The following AFF2 variants were observed in gnomAD, a reference collection of about 807,000 sequenced individuals.
The protein encoded by AFF2 is ALF transcription elongation factor 2, also known as AF4/FMR2 family member 2.
AFF2 carries 14 observed loss-of-function variants against 76.9 expected under a neutral mutation model. The ratio of observed to expected loss-of-function variants is 0.18; its 90% CI spans 0.12 to 0.28. The LOEUF (loss-of-function observed/expected upper bound fraction) is 0.28. AFF2 is among the 10% of genes least tolerant of loss of function. AFF2 has a pLI of 1.00. For synonymous variants in AFF2, 398 were observed against 366.7 expected (o/e 1.09, Z -0.98); for missense variants, 868 against 1,001.1 (o/e 0.87, Z 1.79).
intron 1 of AFF2, among the ~76,000 whole-genome samples, chrX:148,516,890 A>G (rs781960319): frequency 9.9e-5 from 11 of 111,552 alleles, no homozygotes; most frequent in Middle Eastern, 4.6e-3. Context: ...TGTAAGGGGG[A>G]GATTGGGTCC....
intron 3 of AFF2, among the ~76,000 whole-genome samples, chrX:148,721,113 C>A (rs922033390): frequency 1.6e-4 from 18 of 111,968 alleles, no homozygotes; most frequent in African/African-American, 5.5e-4. Flanking sequence ...TGTAAAGAAT[C>A]CACTTGGTGG....
intron 8 of AFF2, among the ~76,000 whole-genome samples, chrX:148,891,368 G>T (rs1311492764): frequency 8.9e-6 from 1 of 111,944 alleles, no homozygotes; most frequent in Non-Finnish European, 1.9e-5. Flanking sequence ...CAGCTGAGAA[G>T]CAGTTATTGA....
intron 3 of AFF2, among the ~76,000 whole-genome samples, chrX:148,706,972 A>G (rs1024834011): frequency 8.9e-6 from 1 of 112,124 alleles, no homozygotes; most frequent in Non-Finnish European, 1.9e-5. Flanking sequence ...CTTGTCTTTC[A>G]CTATGTAGAC....
At chrX:148,537,607 T>C (rs1485944168) in intron 1 of AFF2, among the ~76,000 whole-genome samples, 1 of 110,551 alleles carries the variant, frequency 9.0e-6, no homozygotes, top group Non-Finnish European at 1.9e-5. Flanking sequence ...CCTGCCGTTA[T>C]GCTCTAGGGC....
intron 3 of AFF2, among the ~76,000 whole-genome samples, chrX:148,710,972 A>C (rs1557262859): frequency 8.9e-6 from 1 of 111,839 alleles, no homozygotes; most frequent in Non-Finnish European, 1.9e-5. Context: ...ATATTGTTTA[A>C]TTATTTAGAA....
At chrX:148,675,586 TC>T (rs2054474022) in intron 3 of AFF2, among the ~76,000 whole-genome samples, 1 of 109,276 alleles carries the variant, frequency 9.2e-6, no homozygotes, top group African/African-American at 3.3e-5. Flanking sequence ...GCTTTGGCCT[TC>T]CTCTGCTTGT....
intron 9 of AFF2, among the ~76,000 whole-genome samples, chrX:148,931,498 A>G (rs2071713574): frequency 8.9e-6 from 1 of 111,918 alleles, no homozygotes; most frequent in African/African-American, 3.3e-5. Flanking sequence ...GTCACTATAT[A>G]AACACAAATC....
chrX:148,704,478 GTGTA>G (rs1557262236), intron 3 of AFF2, among the ~76,000 whole-genome samples: 33 of 81,705 alleles, frequency 4.0e-4, no homozygotes, highest in South Asian at 5.6e-4. Flanking sequence ...TTATATATAT[GTGTA>G]TATATATATT....
intron 3 of AFF2, among the ~76,000 whole-genome samples, chrX:148,777,765 G>A (rs1356698505): frequency 8.9e-6 from 1 of 112,100 alleles, no homozygotes; most frequent in Admixed American, 9.4e-5. Context: ...AGATGATAGG[G>A]TTTTCTAAAT....
At chrX:148,574,054 A>G (rs139468091) in intron 1 of AFF2, among the ~76,000 whole-genome samples, 10 of 111,349 alleles carry the variant, frequency 9.0e-5, no homozygotes, top group African/African-American at 3.3e-4. Context: ...GTTGAGATTT[A>G]ACCCAATCTA....
At chrX:148,585,840 C>CAAAAAA (rs1194523651) in intron 1 of AFF2, among the ~76,000 whole-genome samples, 2 of 25,539 alleles carry the variant, frequency 7.8e-5, no homozygotes, top group Non-Finnish European at 1.4e-4. Flanking sequence ...GACTGCGTCT[C>CAAAAAA]AAAAAAAAAA....
At chrX:148,857,465 A>T (rs1438998122) in intron 7 of AFF2, among the ~76,000 whole-genome samples, 1 of 111,938 alleles carries the variant, frequency 8.9e-6, no homozygotes, top group East Asian at 2.8e-4. Context: ...TGTCTTTAGC[A>T]ATTTGATTCT....
At chrX:148,779,828 T>TCCAA (rs1557268922) in intron 3 of AFF2, among the ~76,000 whole-genome samples, 1 of 112,317 alleles carries the variant, frequency 8.9e-6, no homozygotes, top group East Asian at 2.8e-4. Context: ...GTTGGTGCAG[T>TCCAA]TTCTTCATAG....
At chrX:148,729,684 C>T (rs1237142137) in intron 3 of AFF2, among the ~76,000 whole-genome samples, 2 of 111,325 alleles carry the variant, frequency 1.8e-5, no homozygotes, top group African/African-American at 6.5e-5. Flanking sequence ...AGGGAAGGGA[C>T]GACAAGGGTT....
chrX:148,616,255 G>A (rs1557250317), intron 1 of AFF2, among the ~76,000 whole-genome samples: 1 of 111,642 alleles, frequency 9.0e-6, no homozygotes, highest in Non-Finnish European at 1.9e-5. Context: ...CCATTTACTA[G>A]CCGTATGATC....
In AFF2 at chrX:148,671,234, C is replaced by A. The variant is rs782104603; in HGVS notation, c.1041+8466C>A. On this transcript the variant is annotated intron_variant, in intron 3 of 20. Transcript: ENST00000370460. Reference sequence around the variant, plus strand: ...TTGATTTATTCTTACTCTGTTTTAACAAAATTTAATTCTTATGTTATACAC... The same window carrying A: ...TTGATTTATTCTTACTCTGTTTTAAAAAAATTTAATTCTTATGTTATACAC... 1.2e-3 allele frequency among the ~76,000 whole-genome samples: 137 copies of A among 111,847 alleles called. 1 individual carries two copies. Among genetic ancestry groups the A allele is most frequent in the Non-Finnish European group, 2.0e-3 (108 of 53,158 alleles).
chrX:148,547,577 T>G (rs1557238334), intron 1 of AFF2, among the ~76,000 whole-genome samples: 1 of 112,106 alleles, frequency 8.9e-6, no homozygotes, highest in African/African-American at 3.2e-5. Context: ...CGTATATACC[T>G]TCTCTCATTT....
At chrX:148,841,019 T>C (rs1256274365) in intron 5 of AFF2, among the ~76,000 whole-genome samples, 1 of 112,595 alleles carries the variant, frequency 8.9e-6, no homozygotes, top group Non-Finnish European at 1.9e-5. Context: ...TAACACAATC[T>C]TCCAGTTTGC....
chrX:148,966,901 A>G lies in AFF2; in HGVS notation c.3025A>G (p.Thr1009Ala), dbSNP rs781892489. 8.3e-7 allele frequency: 1 copy of G among 1,211,007 alleles called. No individual in the cohort carries two copies. Among genetic ancestry groups the G allele is most frequent in the South Asian group, 1.8e-5 (1 of 56,905 alleles). Residue 1009 changes from threonine (T) to alanine (A), a missense_variant, in exon 14 of 21, where the codon ACT becomes GCT. By Grantham distance (58) the Thr-to-Ala change is moderately conservative. Coordinates refer to ENST00000370460, the MANE Select transcript of AFF2 (RefSeq NM_002025.4). ...CATTGTCACCACCACTGTCACAGCTACTGCCACCGCCACGGCCACCACCAC... is the reference window on the plus strand; with the variant it reads ...CATTGTCACCACCACTGTCACAGCTGCTGCCACCGCCACGGCCACCACCAC... The part of the protein sequence containing the change: ...TAIVTTTVTA[T>A]ATATATTTTT...
Sources: allele counts gnomAD v4.1 joint callset (sites outside exome capture counted in the v4.1 genomes callset), GRCh38; gene constraint gnomAD v4.1.1; transcripts MANE v1.5; gene names NCBI Gene and HGNC (gene_info 2026-07-23, HGNC 2026-07-21).